AP3B1: variants seen among roughly 807,000 people sequenced by gnomAD.
The protein encoded by AP3B1 is AP-3 complex subunit beta-1.
AP3B1 carries 61 observed loss-of-function variants against 132.5 expected under a neutral mutation model. That is an observed-to-expected ratio of 0.46 (90% CI 0.37 to 0.57). AP3B1 has a LOEUF of 0.57. Among genes scored for constraint, AP3B1 ranks in the 20% least tolerant of loss-of-function variants. AP3B1 has a pLI of 0.00. For missense variants in AP3B1, 1,120 were observed against 1,289.4 expected, an observed-to-expected ratio of 0.87 and a Z score of 2.01; for synonymous variants, 388 against 438.3, an observed-to-expected ratio of 0.89 and a Z score of 1.43.
chr5:78,262,842 AT>A (rs1311889608), intron 2 of AP3B1, among the ~76,000 whole-genome samples: 1 of 150,712 alleles, frequency 6.6e-6, no homozygotes, highest in Admixed American at 6.6e-5. Context: ...TTTTCTTATT[AT>A]TAGTTTTGTG....
At position 78,128,176 on chromosome 5, in the gene AP3B1, A is replaced by G. The variant is rs569373340; in HGVS notation, c.1838-16T>C. The G allele has an allele frequency of 7.0e-6, 11 of 1,572,438 alleles. No individual in the cohort carries two copies. The East Asian group carries it at 1.4e-4, about 20-fold the overall frequency. On this transcript the variant is annotated splice_polypyrimidine_tract_variant and intron_variant, in intron 16 of 26. Coordinates refer to ENST00000255194, the MANE Select transcript of AP3B1 (RefSeq NM_003664.5). ...TGATCTCTATCTATTAAAAATAGGG[A>G]AAAATATAAAATAAACAATATGAGC...
At chr5:78,177,310 G>T (rs373255227) in intron 9 of AP3B1, 29 bp downstream of exon 9, 98 of 1,489,146 alleles carry the variant, frequency 6.6e-5, no homozygotes, top group South Asian at 2.3e-4. Context: ...GAATACAAAA[G>T]AAAAAATATA....
intron 2 of AP3B1, among the ~76,000 whole-genome samples, chr5:78,249,356 C>G (rs528273813): frequency 6.6e-6 from 1 of 152,184 alleles, no homozygotes; most frequent in Non-Finnish European, 1.5e-5. Context: ...AAGAGTGAGA[C>G]TCCGTCTCAA....
At chr5:78,040,043 C>A (rs1174724994) in intron 22 of AP3B1, among the ~76,000 whole-genome samples, 8 of 151,988 alleles carry the variant, frequency 5.3e-5, no homozygotes, top group Non-Finnish European at 1.2e-4. Flanking sequence ...CATTTCCAAT[C>A]CTGACTCTTT....
chr5:78,101,720 T>G (rs1262428937), intron 20 of AP3B1, among the ~76,000 whole-genome samples: 1 of 152,030 alleles, frequency 6.6e-6, no homozygotes, highest in Non-Finnish European at 1.5e-5. Flanking sequence ...AATGTATATA[T>G]CCATGAACTA....
At chr5:78,232,981 A>T (rs1213645253) in intron 3 of AP3B1, among the ~76,000 whole-genome samples, 2 of 152,184 alleles carry the variant, frequency 1.3e-5, no homozygotes, top group Admixed American at 1.3e-4. Context: ...TGCTAGGATT[A>T]CTGGCGTGAG....
At chr5:78,185,870 T>C (rs920858671) in intron 7 of AP3B1, among the ~76,000 whole-genome samples, 1 of 151,966 alleles carries the variant, frequency 6.6e-6, no homozygotes, top group Admixed American at 6.6e-5. Flanking sequence ...ACCCTATCTC[T>C]AAAAAATTTC....
At chr5:78,238,498 A>G (rs961177102) in intron 3 of AP3B1, among the ~76,000 whole-genome samples, 1 of 152,142 alleles carries the variant, frequency 6.6e-6, no homozygotes, top group African/African-American at 2.4e-5. Context: ...CCTGGTGCCA[A>G]AAACGTTGGG....
At chr5:78,272,440 C>G (rs1047566080) in intron 1 of AP3B1, among the ~76,000 whole-genome samples, 1 of 152,106 alleles carries the variant, frequency 6.6e-6, no homozygotes, top group African/African-American at 2.4e-5. Flanking sequence ...TACATATGAC[C>G]ATTACTCTTC....
chr5:78,184,650 G>T (rs1486383168), intron 7 of AP3B1, among the ~76,000 whole-genome samples: 1 of 148,724 alleles, frequency 6.7e-6, no homozygotes, highest in Non-Finnish European at 1.5e-5. Flanking sequence ...ATTGGCCACT[G>T]CACTCCAGCC....
chr5:78,039,790 AAAG>A lies in AP3B1; in HGVS notation c.2578-519_2578-517del, dbSNP rs1434737471. 3.7e-3 allele frequency among the ~76,000 whole-genome samples: 543 copies of A among 146,146 alleles called. 3 individuals are homozygous for A. The highest frequency in any genetic ancestry group is 0.013 in the African/African-American group (524 of 39,394). ...GAGACTCCGTCTCAAAAAAAAAAAA[AAAG>A]AAAAGAAAAGAAAAAAAAAAGAAAT... On this transcript the variant is annotated intron_variant, in intron 22 of 26. Transcript: ENST00000255194.
intron 2 of AP3B1, among the ~76,000 whole-genome samples, chr5:78,248,992 T>A (rs149031772): frequency 0.01 from 1,549 of 152,322 alleles, 13 homozygotes; most frequent in Middle Eastern, 0.017. Flanking sequence ...ACCATTTGAT[T>A]ACTGTGTTTA....
intron 22 of AP3B1, among the ~76,000 whole-genome samples, chr5:78,065,049 T>TG (rs1399459910): frequency 6.7e-6 from 1 of 150,068 alleles, no homozygotes; most frequent in African/African-American, 2.5e-5. Flanking sequence ...CCACGGAGAG[T>TG]GAGGAGTAGC....
chr5:78,136,486 T>A (rs1350930969), intron 15 of AP3B1, among the ~76,000 whole-genome samples: 1 of 152,144 alleles, frequency 6.6e-6, no homozygotes, highest in East Asian at 1.9e-4. Flanking sequence ...ACACAAAACA[T>A]ACATACCTCA....
intron 6 of AP3B1, among the ~76,000 whole-genome samples, chr5:78,219,877 T>C (rs796745344): frequency 1.3e-5 from 2 of 152,158 alleles, no homozygotes; most frequent in African/African-American, 2.4e-5. Context: ...CAAATGTATA[T>C]GTATCAGCAG....
intron 8 of AP3B1, 40 bp downstream of exon 8, chr5:78,181,466 TA>T (rs1744364547): frequency 1.3e-6 from 2 of 1,594,838 alleles, no homozygotes; most frequent in Admixed American, 1.7e-5. Flanking sequence ...TGCTGTTTTT[TA>T]AAAACCAGTG....
intron 21 of AP3B1, among the ~76,000 whole-genome samples, chr5:78,096,875 G>A (rs576255282): frequency 2.5e-4 from 38 of 150,168 alleles, no homozygotes; most frequent in Middle Eastern, 3.5e-3. Flanking sequence ...CGCCCCGTCC[G>A]GGAGGGAGGT....
At chr5:78,059,911 T>G (rs1748971980) in intron 22 of AP3B1, among the ~76,000 whole-genome samples, 2 of 152,026 alleles carry the variant, frequency 1.3e-5, no homozygotes, top group South Asian at 4.2e-4. Flanking sequence ...GCAAAGGGGA[T>G]TATTATTAGA....
intron 1 of AP3B1, among the ~76,000 whole-genome samples, chr5:78,286,396 C>CT (rs1213621607): frequency 2.6e-5 from 4 of 152,122 alleles, no homozygotes; most frequent in African/African-American, 9.7e-5. Flanking sequence ...GATTAAGGCC[C>CT]TTGCAAAAGA....
Sources: gnomAD v4.1 joint callset for allele counts (sites outside exome capture counted in the v4.1 genomes callset) on GRCh38, gnomAD v4.1.1 for gene constraint, MANE v1.5 for transcripts, NCBI Gene and HGNC (gene_info 2026-07-23, HGNC 2026-07-21) for gene names.